TRIM9: variants seen among roughly 807,000 people sequenced by gnomAD.
TRIM9 encodes the protein tripartite motif containing 9.
TRIM9 carries 26 observed loss-of-function variants against 78.3 expected under a neutral mutation model. That is an observed-to-expected ratio of 0.33 (90% confidence interval 0.24 to 0.46). The LOEUF (loss-of-function observed/expected upper bound fraction) is 0.46. Among genes scored for constraint, TRIM9 ranks in the 20% least tolerant of loss-of-function variants. The pLI is 1.00. For synonymous variants in TRIM9, 398 were observed against 416.5 expected (o/e 0.96, Z 0.54); for missense variants, 787 against 1,036.4 (o/e 0.76, Z 3.30).
rs769608925 is a variant in TRIM9 at position 50,986,086 on chromosome 14, G to A, written c.1662C>T (p.Leu554=). The change falls in exon 8 of 13, where the codon CTC becomes CTT. Residue 554 remains leucine (L), a synonymous_variant. Transcript: ENST00000684578. ...PFPVPSERLP[L]RRMSPFSSTL... ...TGGAGGAGAAAGGACTCATTCTACGGAGCGGCAATCTTTCCGAAGGCACTG... is the reference window on the plus strand; with the variant it reads ...TGGAGGAGAAAGGACTCATTCTACGAAGCGGCAATCTTTCCGAAGGCACTG... The A allele has an allele frequency of 3.0e-5, 46 of 1,547,672 alleles. No individual in the cohort carries two copies. The highest frequency in any genetic ancestry group is 3.3e-4 in the Middle Eastern group (2 of 6,006).
At position 50,982,393 on chromosome 14, in the gene TRIM9, C is replaced by T; in HGVS notation, c.1859-290G>A. ...GCATCGATTTTGGAAGGTGCAAGTC[C>T]CTTCACCTGGTGACTGGCAGAACAG... is the stretch of plus-strand genomic sequence containing the variant. On this transcript the variant is annotated intron_variant, in intron 10 of 12. Coordinates refer to ENST00000684578, the MANE Select transcript of TRIM9 (RefSeq NM_001387360.1). The T allele has an allele frequency of 8.5e-6, 4 of 470,870 alleles. No individual in the cohort carries two copies. The Admixed American group carries it at 1.0e-4, about 12-fold the overall frequency. The allele number at this position is 470,870 out of a possible 1,614,324, so 29.2% of individuals were successfully genotyped here.
chr14:51,002,920 G>A (rs748874519), intron 5 of TRIM9, among the ~76,000 whole-genome samples: 12 of 152,200 alleles, frequency 7.9e-5, no homozygotes, highest in Non-Finnish European at 1.8e-4. Flanking sequence ...AAGCTTCAAC[G>A]GCACAGGGTT....
Position 51,094,864 on chromosome 14 carries a change from A to G in TRIM9, c.76T>C (p.Ser26Pro). Residue 26 changes from serine (S) to proline (P), a missense_variant, in exon 1 of 13, where the codon TCT becomes CCT. This residue lies in a region of TRIM9 where 352 missense variants were observed against 472.3 expected (regional missense o/e 0.75). Transcript: ENST00000684578. ...GCGCACGCCTGACACAAATTGTGAG[A>G]GCAGGGCAGGATGATGGGCTCCCGA... Reference protein sequence around the residue: ...FYREPIILPCSHNLCQACARN... With the variant: ...FYREPIILPCPHNLCQACARN... 1 of 1,530,066 alleles carries G rather than the reference A, an allele frequency of 6.5e-7. No individual in the cohort carries two copies. Among genetic ancestry groups the G allele is most frequent in the Non-Finnish European group, 8.7e-7 (1 of 1,144,160 alleles). The allele number at this position is 1,530,066 out of a possible 1,614,324, so 94.8% of individuals were successfully genotyped here. A position where few individuals can be genotyped will look rare whatever the true frequency, so the allele number is the denominator to read the frequency against.
At chr14:51,073,898 G>A (rs1453636934) in intron 1 of TRIM9, among the ~76,000 whole-genome samples, 1 of 152,126 alleles carries the variant, frequency 6.6e-6, no homozygotes, top group South Asian at 2.1e-4. Flanking sequence ...AGGATATACA[G>A]CCAAAGAACT....
chr14:51,031,147 C>CAAAAAAAAAA (rs1210514761), intron 1 of TRIM9, among the ~76,000 whole-genome samples: 4 of 100,738 alleles, frequency 4.0e-5, no homozygotes, highest in African/African-American at 4.0e-5. Flanking sequence ...AAACTCTTTC[C>CAAAAAAAAAA]AAAAAAAAAA....
At chr14:51,056,815 T>TCA (rs925847099) in intron 1 of TRIM9, among the ~76,000 whole-genome samples, 10 of 152,254 alleles carry the variant, frequency 6.6e-5, no homozygotes, top group African/African-American at 2.4e-4. Context: ...TGCTGTCTTG[T>TCA]CACACAAATA....
chr14:51,035,841 C>T (rs531249027), intron 1 of TRIM9, among the ~76,000 whole-genome samples: 2 of 152,310 alleles, frequency 1.3e-5, no homozygotes, highest in East Asian at 1.9e-4. Context: ...TATTTTTGAA[C>T]CTCAGTTGTA....
intron 1 of TRIM9, among the ~76,000 whole-genome samples, chr14:51,078,223 G>A (rs2062979176): frequency 6.6e-6 from 1 of 152,156 alleles, no homozygotes; most frequent in South Asian, 2.1e-4. Context: ...AGAACAGTAG[G>A]ACAGGAAGGA....
chr14:51,038,211 A>G (rs1453983891), intron 1 of TRIM9, among the ~76,000 whole-genome samples: 1 of 152,218 alleles, frequency 6.6e-6, no homozygotes, highest in Non-Finnish European at 1.5e-5. Context: ...AGATGTGATG[A>G]CAGAAGAAGG....
chr14:51,020,523 C>A (rs1191255297), intron 3 of TRIM9, among the ~76,000 whole-genome samples: 2 of 152,228 alleles, frequency 1.3e-5, no homozygotes, highest in Admixed American at 1.3e-4. Context: ...AGGCAGCTGC[C>A]TCTGCTCAGT....
intron 7 of TRIM9, among the ~76,000 whole-genome samples, chr14:50,993,851 A>G (rs1002740282): frequency 6.6e-6 from 1 of 152,182 alleles, no homozygotes; most frequent in Non-Finnish European, 1.5e-5. Context: ...TGGATCTGAC[A>G]TATTATTATA....
At chr14:51,001,334 A>G (rs1335208951) in intron 5 of TRIM9, among the ~76,000 whole-genome samples, 1 of 148,158 alleles carries the variant, frequency 6.7e-6, no homozygotes. Context: ...GGTTCACACC[A>G]TTCTCCTGCC....
At chr14:51,052,194 T>C (rs1216246225) in intron 1 of TRIM9, among the ~76,000 whole-genome samples, 1 of 152,144 alleles carries the variant, frequency 6.6e-6, no homozygotes, top group Non-Finnish European at 1.5e-5. Context: ...ATTAAATTAA[T>C]TATCTCAATA....
intron 1 of TRIM9, among the ~76,000 whole-genome samples, chr14:51,080,076 G>C (rs1019786198): frequency 1.8e-4 from 27 of 152,250 alleles, no homozygotes; most frequent in African/African-American, 6.3e-4. Flanking sequence ...GCCAATCCAA[G>C]GGGACAGTCA....
At chr14:51,020,466 T>C (rs116875219) in intron 3 of TRIM9, among the ~76,000 whole-genome samples, 1 of 152,234 alleles carries the variant, frequency 6.6e-6, no homozygotes, top group East Asian at 1.9e-4. Context: ...TGCAGTCCTT[T>C]GAGGTCTGGG....
intron 1 of TRIM9, among the ~76,000 whole-genome samples, chr14:51,057,916 C>CA (rs527956296): frequency 3.5e-4 from 54 of 152,284 alleles, no homozygotes; most frequent in African/African-American, 1.3e-3. Flanking sequence ...CAGTTAAAGA[C>CA]AATTTATTGA....
intron 7 of TRIM9, 115 bp downstream of exon 7, chr14:50,997,935 C>A: frequency 6.5e-7 from 1 of 1,529,536 alleles, no homozygotes; most frequent in South Asian, 1.3e-5. Context: ...GAATGCAGAG[C>A]AAGTCATGGA....
At position 51,008,119 on chromosome 14, in the gene TRIM9, A is replaced by G. The variant is rs1178806862; in HGVS notation, c.1306+961T>C. ...ACAAAACTATAGAGATGGAGAAAAG[A>G]TTAGGGGTTTCCAGAGATTAGAGTT... On this transcript the variant is annotated intron_variant, in intron 5 of 12. Coordinates refer to ENST00000684578, the MANE Select transcript of TRIM9 (RefSeq NM_001387360.1). 2.0e-5 allele frequency among the ~76,000 whole-genome samples: 3 copies of G among 152,196 alleles called. No individual in the cohort carries two copies. The East Asian group carries it at 5.8e-4, about 29-fold the overall frequency.
intron 1 of TRIM9, among the ~76,000 whole-genome samples, chr14:51,046,798 T>A (rs898105780): frequency 2.6e-5 from 4 of 152,210 alleles, no homozygotes; most frequent in Non-Finnish European, 5.9e-5. Flanking sequence ...TAAAGTGGAA[T>A]AACAACAGGA....
Sources: allele counts gnomAD v4.1 joint callset (sites outside exome capture counted in the v4.1 genomes callset), GRCh38; gene constraint gnomAD v4.1.1; regional missense constraint gnomAD v4.1.1; transcripts MANE v1.5; gene names NCBI Gene and HGNC (gene_info 2026-07-23, HGNC 2026-07-21).